The following DLGAP2 variants were observed in gnomAD, a reference collection of about 807,000 sequenced individuals.
DLGAP2 encodes the protein DLG associated protein 2.
A neutral mutation model predicts 100.3 loss-of-function variants in DLGAP2; 26 were observed. That is an observed-to-expected ratio of 0.26 (90% CI 0.19 to 0.36). DLGAP2 has a LOEUF of 0.36. Among genes scored for constraint, DLGAP2 ranks in the 10% least tolerant of loss-of-function variants. The probability of loss-of-function intolerance (pLI) is 1.00; values close to 1 mark genes in which losing one functional copy is unlikely to be tolerated. For missense variants in DLGAP2, 1,858 were observed against 1,453.2 expected (o/e 1.28, Z -4.53); for synonymous variants, 886 against 630.1 (o/e 1.41, Z -6.08).
Position 1,549,089 on chromosome 8 carries a change from C to T in DLGAP2, c.636C>T (p.Tyr212=), listed in dbSNP as rs755107784. Residue 212 remains tyrosine (Y), a synonymous_variant, in exon 5 of 15, where the codon TAC becomes TAT. Coordinates refer to ENST00000637795, the MANE Select transcript of DLGAP2 (RefSeq NM_001346810.2). ...LHRDGFHTLQ[Y]QRTSAAAEQR... is the part of the protein sequence containing the mutation. ...GGGACGGCTTCCACACGCTGCAGTACCAGAGGACGTCCGCGGCCGCCGAGC... is the reference window on the plus strand; with the variant it reads ...GGGACGGCTTCCACACGCTGCAGTATCAGAGGACGTCCGCGGCCGCCGAGC... 6.3e-6 allele frequency: 10 copies of T among 1,585,800 alleles called. No homozygotes were observed. In the Admixed American group the frequency reaches 1.2e-4, roughly 20 times the overall value.
At chr8:1,622,478 A>T (rs367701765) in intron 6 of DLGAP2, 9 of 152,302 alleles carry the variant, frequency 5.9e-5, no homozygotes, top group African/African-American at 2.2e-4. Context: ...TCGTTCTCAT[A>T]ATGACCTAAG....
At chr8:1,332,794 C>G (rs776101661) in intron 3 of DLGAP2, among the ~76,000 whole-genome samples, 65 of 152,130 alleles carry the variant, frequency 4.3e-4, no homozygotes, top group Non-Finnish European at 9.4e-4. Flanking sequence ...GGGTCCTGGA[C>G]CATTCATAAC....
chr8:1,218,041 T>G (rs544129966), intron 2 of DLGAP2, among the ~76,000 whole-genome samples: 2 of 152,326 alleles, frequency 1.3e-5, no homozygotes, highest in South Asian at 4.1e-4. Context: ...TCCCATTCTA[T>G]AAGTTGTCTG....
chr8:1,545,512 C>G (rs752353737), intron 4 of DLGAP2, among the ~76,000 whole-genome samples: 4 of 152,122 alleles, frequency 2.6e-5, no homozygotes, highest in African/African-American at 4.8e-5. Flanking sequence ...AATTAGGAAA[C>G]TAAGATGCTT....
chr8:1,291,443 T>G (rs1026424907), intron 3 of DLGAP2, among the ~76,000 whole-genome samples: 1 of 152,158 alleles, frequency 6.6e-6, no homozygotes, highest in Non-Finnish European at 1.5e-5. Context: ...GGGAAAATTT[T>G]GCATGGCGAG....
intron 3 of DLGAP2, among the ~76,000 whole-genome samples, chr8:1,420,257 A>G (rs1051253668): frequency 2.0e-5 from 3 of 152,090 alleles, no homozygotes; most frequent in East Asian, 1.9e-4. Context: ...GCTGGCTGGG[A>G]ATGACTAAGG....
chr8:1,343,846 T>C (rs1351127538), intron 3 of DLGAP2, among the ~76,000 whole-genome samples: 1 of 152,060 alleles, frequency 6.6e-6, no homozygotes, highest in Non-Finnish European at 1.5e-5. Flanking sequence ...GAGCAGATGA[T>C]GCTCCAATTC....
At chr8:759,497 G>A (rs1235189884) in intron 1 of DLGAP2, among the ~76,000 whole-genome samples, 3 of 151,538 alleles carry the variant, frequency 2.0e-5, no homozygotes, top group African/African-American at 7.3e-5. Context: ...CACGGTTGAC[G>A]TGGGGCTCCC....
chr8:1,075,370 G>A (rs770640992), intron 2 of DLGAP2, among the ~76,000 whole-genome samples: 13 of 152,128 alleles, frequency 8.5e-5, no homozygotes, highest in Admixed American at 2.0e-4. Flanking sequence ...GAGGAGAACC[G>A]CGGCTGGGTG....
At chr8:1,606,065 C>T (rs990454419) in intron 6 of DLGAP2, among the ~76,000 whole-genome samples, 7 of 152,180 alleles carry the variant, frequency 4.6e-5, no homozygotes, top group Admixed American at 1.3e-4. Flanking sequence ...AATGAATTAT[C>T]GTTAACTCTG....
At chr8:877,316 G>A (rs989417452) in intron 1 of DLGAP2, among the ~76,000 whole-genome samples, 11 of 152,148 alleles carry the variant, frequency 7.2e-5, no homozygotes, top group East Asian at 3.9e-4. Flanking sequence ...TTGTTTCTTC[G>A]TTCAGTGATT....
At chr8:1,379,761 T>C (rs2129756609) in intron 3 of DLGAP2, 1 of 152,564 alleles carries the variant, frequency 6.6e-6, no homozygotes, top group South Asian at 2.1e-4. Context: ...AGGGAGGTTG[T>C]GCAGGGGCTG....
intron 1 of DLGAP2, among the ~76,000 whole-genome samples, chr8:837,241 G>A (rs11786794): frequency 0.19 from 29,027 of 152,194 alleles, 3,519 homozygotes; most frequent in Admixed American, 0.38. Context: ...AGCTCGGCCT[G>A]GTGTTCGAGG....
intron 2 of DLGAP2, among the ~76,000 whole-genome samples, chr8:1,204,084 C>G (rs941406975): frequency 6.6e-6 from 1 of 152,248 alleles, no homozygotes; most frequent in East Asian, 1.9e-4. Flanking sequence ...ACTCATGGGT[C>G]TGGAGCGGGA....
At chr8:1,164,324 A>ATAGATTTTTCTGTGAGTCCCCC (rs1563224491) in intron 2 of DLGAP2, among the ~76,000 whole-genome samples, 4 of 74,376 alleles carry the variant, frequency 5.4e-5, no homozygotes, top group South Asian at 4.9e-4. Context: ...GTTTGTGGGG[A>ATAGATTTTTCTGTGAGTCCCCC]CAGATTTTTC....
chr8:1,660,749 C>G (rs768535396), intron 8 of DLGAP2, among the ~76,000 whole-genome samples: 2 of 152,188 alleles, frequency 1.3e-5, no homozygotes, highest in Non-Finnish European at 2.9e-5. Flanking sequence ...GACACATATT[C>G]CCTCCTGCAG....
intron 1 of DLGAP2, among the ~76,000 whole-genome samples, chr8:756,274 C>T (rs910516148): frequency 2.0e-5 from 3 of 151,876 alleles, no homozygotes; most frequent in African/African-American, 4.8e-5. Context: ...AGCAAGTGGG[C>T]CAGGCATGGT....
At chr8:1,498,839 G>C (rs568504425) in intron 3 of DLGAP2, among the ~76,000 whole-genome samples, 1 of 152,122 alleles carries the variant, frequency 6.6e-6, no homozygotes, top group Non-Finnish European at 1.5e-5. Flanking sequence ...ACAAAGCCTC[G>C]TTAGATAAGG....
intron 3 of DLGAP2, among the ~76,000 whole-genome samples, chr8:1,319,082 C>A (rs575765287): frequency 6.6e-6 from 1 of 151,980 alleles, no homozygotes; most frequent in Non-Finnish European, 1.5e-5. Flanking sequence ...GGAGACTTGG[C>A]GGGATTAGCG....
Sources: allele counts gnomAD v4.1 joint callset (sites outside exome capture counted in the v4.1 genomes callset), GRCh38; gene constraint gnomAD v4.1.1; transcripts MANE v1.5; gene names NCBI Gene and HGNC (gene_info 2026-07-23, HGNC 2026-07-21).